The following SLC26A5 variants were observed in gnomAD, a reference collection of about 807,000 sequenced individuals.
SLC26A5 encodes prestin.
Under a neutral mutation model 81.0 loss-of-function variants are expected in SLC26A5, and 51 were observed. The observed-to-expected ratio is 0.63, with a 90% CI of 0.50 to 0.80. The LOEUF (loss-of-function observed/expected upper bound fraction) is 0.80. Among genes scored for constraint, SLC26A5 ranks in the 30% least tolerant of loss-of-function variants. The pLI is 0.00. For synonymous variants in SLC26A5, 325 were observed against 332.8 expected (o/e 0.98, Z 0.25); for missense variants, 771 against 905.8 (o/e 0.85, Z 1.91).
chr7:103,435,201 T>C (rs1436672163), intron 2 of SLC26A5: 2 of 152,232 alleles, frequency 1.3e-5, no homozygotes, highest in Non-Finnish European at 2.9e-5. Flanking sequence ...AACATCACGC[T>C]TTTGTTGTGT....
chr7:103,410,328 G>A, intron 7 of SLC26A5, 57 bp downstream of exon 7: 1 of 1,408,524 alleles, frequency 7.1e-7, no homozygotes, highest in South Asian at 1.2e-5. Context: ...ATACAGAAGA[G>A]AAGGTTGGGG....
chr7:103,361,881 G>A, intron 19 of SLC26A5: 1 of 1,417,126 alleles, frequency 7.1e-7, no homozygotes, highest in Non-Finnish European at 9.6e-7. Flanking sequence ...TGCACACTCA[G>A]GATATAATCT....
At chr7:103,409,911 G>A (rs1824347359) in intron 7 of SLC26A5, among the ~76,000 whole-genome samples, 1 of 151,978 alleles carries the variant, frequency 6.6e-6, no homozygotes, top group African/African-American at 2.4e-5. Context: ...GGTTTCACTT[G>A]TTAGCCAGGA....
intron 4 of SLC26A5, among the ~76,000 whole-genome samples, chr7:103,417,572 T>G (rs1825021129): frequency 6.6e-6 from 1 of 152,036 alleles, no homozygotes; most frequent in African/African-American, 2.4e-5. Context: ...CGTGGTCTAT[T>G]GCCATGGTTT....
Position 103,367,620 on chromosome 7 carries a change from G to C in SLC26A5, c.2041+9188C>G. 1 of 1,613,190 alleles carries C rather than the reference G, an allele frequency of 6.2e-7. No individual in the cohort carries two copies. The highest frequency in any genetic ancestry group is 8.5e-7 in the Non-Finnish European group (1 of 1,179,560). ...TTTAGCTTGCCCGATCTAGAGGTAA[G>C]AAAACCATTTCATTTTAGGAAAGGG... On this transcript the variant is annotated intron_variant, in intron 19 of 19. Coordinates refer to the SLC26A5 transcript ENST00000339444. This position sits in a 1 kb window ranked among gnomAD's most constrained non-coding sequence, Gnocchi z 6.1.
At chr7:103,420,560 C>G (rs992962691) in intron 4 of SLC26A5, among the ~76,000 whole-genome samples, 178 bp downstream of exon 4, 1 of 152,086 alleles carries the variant, frequency 6.6e-6, no homozygotes, top group Non-Finnish European at 1.5e-5. Flanking sequence ...CTTGGCCTTC[C>G]AAAGTGCTGA....
intron 19 of SLC26A5, among the ~76,000 whole-genome samples, chr7:103,363,711 G>A (rs1328345527): frequency 6.6e-6 from 1 of 152,130 alleles, no homozygotes; most frequent in Non-Finnish European, 1.5e-5. Flanking sequence ...TGTTAAATAT[G>A]TTACAGGCTA....
chr7:103,362,886 C>T (rs948597646), intron 19 of SLC26A5: 31 of 673,988 alleles, frequency 4.6e-5, no homozygotes, highest in East Asian at 2.6e-4. Flanking sequence ...CTCTGCCTCC[C>T]GGGTTCAAGC....
intron 19 of SLC26A5, chr7:103,362,774 A>G (rs1586166141): frequency 1.8e-6 from 2 of 1,140,876 alleles, no homozygotes; most frequent in Non-Finnish European, 1.3e-6. Context: ...AAACTATGGG[A>G]GGGAAAAGGA....
chr7:103,365,042 T>C (rs948340564), intron 19 of SLC26A5, among the ~76,000 whole-genome samples: 8 of 149,338 alleles, frequency 5.4e-5, no homozygotes, highest in Non-Finnish European at 1.0e-4. Context: ...ATGATTCGTA[T>C]ATTTACAATA....
chr7:103,437,899 T>G (rs541492927), intron 2 of SLC26A5, among the ~76,000 whole-genome samples: 2 of 152,350 alleles, frequency 1.3e-5, no homozygotes, highest in East Asian at 3.9e-4. Flanking sequence ...GTCTGCACAT[T>G]GCTTCATGAA....
intron 19 of SLC26A5, among the ~76,000 whole-genome samples, chr7:103,357,171 C>A (rs934723208): frequency 2.0e-5 from 3 of 151,848 alleles, no homozygotes; most frequent in African/African-American, 7.3e-5. Context: ...ACTAAAAATA[C>A]AAAAATTAAC....
intron 15 of SLC26A5, among the ~76,000 whole-genome samples, 191 bp from the exon 16 acceptor site, chr7:103,379,526 T>G (rs1373821639): frequency 6.6e-6 from 1 of 151,900 alleles, no homozygotes; most frequent in Non-Finnish European, 1.5e-5. Flanking sequence ...AAAGTCACTC[T>G]TATCTACTCA....
At chr7:103,364,042 C>A in intron 19 of SLC26A5, 1 of 1,099,970 alleles carries the variant, frequency 9.1e-7, no homozygotes, top group Non-Finnish European at 1.3e-6. Flanking sequence ...GTATGGTTTT[C>A]AGGATAAAAT....
At chr7:103,397,483 G>C (rs1197244767) in intron 9 of SLC26A5, among the ~76,000 whole-genome samples, 2 of 141,794 alleles carry the variant, frequency 1.4e-5, no homozygotes, top group African/African-American at 5.2e-5. Flanking sequence ...GGAGCTTGCA[G>C]TGAGCCGAGA....
chr7:103,426,811 C>G (rs931294858), intron 2 of SLC26A5, among the ~76,000 whole-genome samples: 15 of 152,176 alleles, frequency 9.9e-5, no homozygotes, highest in Admixed American at 3.3e-4. Context: ...ACTAGGAGAT[C>G]AAATAACCAG....
rs1820003213 is a variant in SLC26A5 at position 103,355,856 on chromosome 7, G to A, written c.2042-2930C>T. 6.0e-6 allele frequency: 7 copies of A among 1,174,086 alleles called. No individual in the cohort carries two copies. In the East Asian group the frequency reaches 1.4e-4, roughly 24 times the overall value. The allele number at this position is 1,174,086 out of a possible 1,614,324, so 72.7% of individuals were successfully genotyped here. On this transcript the variant is annotated intron_variant, in intron 19 of 19. Transcript: ENST00000339444. The stretch of plus-strand genomic sequence containing the variant: ...GTATTTTCAAGCACTTAATGTTAGA[G>A]TCTCAGGGATAATGCAATAGTTCAT...
At chr7:103,401,317 C>T (rs566319194) in intron 8 of SLC26A5, among the ~76,000 whole-genome samples, 3 of 152,204 alleles carry the variant, frequency 2.0e-5, no homozygotes, top group South Asian at 4.2e-4. Flanking sequence ...TAGACATTTT[C>T]TTCTCTTTGG....
At position 103,389,404 on chromosome 7, in the gene SLC26A5, C is replaced by A; in HGVS notation, c.1332G>T (p.Val444=). The change falls in exon 13 of 20, where the codon GTG becomes GTT. Residue 444 remains valine (V), a synonymous_variant. Coordinates refer to ENST00000306312, the MANE Select transcript of SLC26A5 (RefSeq NM_198999.3). ...SLPQAVLSAI[V]IVNLKGMFMQ... Reference sequence around the variant, plus strand: ...TAAACATTCCCTTCAGGTTGACAATCACAATGGCCGACAGCACAGCCTGAA... The same window carrying A: ...TAAACATTCCCTTCAGGTTGACAATAACAATGGCCGACAGCACAGCCTGAA... The A allele has an allele frequency of 6.2e-7, 1 of 1,614,034 alleles. No homozygotes were observed.
Sources: allele counts gnomAD v4.1 joint callset (sites outside exome capture counted in the v4.1 genomes callset), GRCh38; gene constraint gnomAD v4.1.1; non-coding constraint Gnocchi (gnomAD v3.1); transcripts MANE v1.5; gene names NCBI Gene and HGNC (gene_info 2026-07-23, HGNC 2026-07-21).